SLC14A2: variants seen among roughly 807,000 people sequenced by gnomAD.
The protein encoded by SLC14A2 is urea transporter 2.
Under a neutral mutation model 104.6 loss-of-function variants are expected in SLC14A2, and 91 were observed. The ratio of observed to expected loss-of-function variants is 0.87; its 90% CI spans 0.73 to 1.04. SLC14A2 has a LOEUF of 1.04. SLC14A2 is among the 50% of genes least tolerant of loss of function. The pLI is 0.00. For synonymous variants in SLC14A2, 476 were observed against 466.4 expected, an observed-to-expected ratio of 1.02 and a Z score of -0.27; for missense variants, 1,189 against 1,156.0, an observed-to-expected ratio of 1.03 and a Z score of -0.41.
At chr18:45,385,839 AAAGT>A (rs1281566471) in intron 1 of SLC14A2, among the ~76,000 whole-genome samples, 1 of 152,190 alleles carries the variant, frequency 6.6e-6, no homozygotes, top group Non-Finnish European at 1.5e-5. Context: ...GTTATATAGA[AAAGT>A]AAGAGAAAGA....
intron 1 of SLC14A2, among the ~76,000 whole-genome samples, chr18:45,425,383 A>G (rs944895763): frequency 2.0e-5 from 3 of 152,254 alleles, no homozygotes; most frequent in Admixed American, 6.5e-5. Flanking sequence ...TAGGCAAAGC[A>G]TGTATGAATG....
At chr18:45,603,995 A>C (rs2044827696) in intron 2 of SLC14A2, among the ~76,000 whole-genome samples, 1 of 152,252 alleles carries the variant, frequency 6.6e-6, no homozygotes, top group Non-Finnish European at 1.5e-5. Context: ...TAAGTGGCTC[A>C]CTTTCGTTGG....
intron 1 of SLC14A2, among the ~76,000 whole-genome samples, chr18:45,331,427 C>A (rs1403193377): frequency 1.3e-5 from 2 of 152,042 alleles, no homozygotes; most frequent in African/African-American, 2.4e-5. Context: ...TGTGGTGGCT[C>A]ACGCCTGTAA....
At chr18:45,625,524 C>T (rs142408586) in intron 2 of SLC14A2, among the ~76,000 whole-genome samples, 159 bp from the exon 3 acceptor site, 70 of 152,230 alleles carry the variant, frequency 4.6e-4, no homozygotes, top group African/African-American at 1.6e-3. Context: ...CAGGCTTGTA[C>T]GGGGCACTCT....
intron 1 of SLC14A2, among the ~76,000 whole-genome samples, chr18:45,228,014 A>G (rs1400658399): frequency 6.6e-6 from 1 of 152,196 alleles, no homozygotes; most frequent in Admixed American, 6.5e-5. Flanking sequence ...TTAAATCGAT[A>G]ATAGATTAAT....
In SLC14A2 at chr18:45,648,195, C is replaced by CTTTTTTTTTTTTT. The variant is rs59843067; in HGVS notation, c.1351+4051_1351+4063dup. Among the ~76,000 whole-genome samples the CTTTTTTTTTTTTT allele has an allele frequency of 4.3e-4, 44 of 101,240 alleles. 6 individuals are homozygous for CTTTTTTTTTTTTT. The highest frequency in any genetic ancestry group is 1.6e-3 in the African/African-American group (42 of 25,944). The allele number at this position is 101,240 out of a possible 152,430, so 66.4% of individuals were successfully genotyped here. A position where few individuals can be genotyped will look rare whatever the true frequency, so the allele number is the denominator to read the frequency against. ...GTTACCCTCTTTATTCTAGTTAATG[C>CTTTTTTTTTTTTT]TTTTTTTTTTTTTTTTTTTTTTTTT... On this transcript the variant is annotated intron_variant, in intron 10 of 19. Coordinates refer to ENST00000255226, the MANE Select transcript of SLC14A2 (RefSeq NM_007163.4).
At chr18:45,526,403 T>C (rs2043594625) in intron 2 of SLC14A2, among the ~76,000 whole-genome samples, 1 of 152,192 alleles carries the variant, frequency 6.6e-6, no homozygotes, top group South Asian at 2.1e-4. Context: ...CATTAACCAA[T>C]AGGTTGGTGC....
chr18:45,234,179 A>G (rs1437912224), intron 1 of SLC14A2, among the ~76,000 whole-genome samples: 1 of 152,192 alleles, frequency 6.6e-6, no homozygotes. Flanking sequence ...GCTCACTGGA[A>G]TTGCAGATAC....
chr18:45,641,765 A>C (rs1291396906), intron 8 of SLC14A2, among the ~76,000 whole-genome samples: 1 of 152,208 alleles, frequency 6.6e-6, no homozygotes, highest in Non-Finnish European at 1.5e-5. Context: ...TGCACAAATA[A>C]TTACTAAGGC....
rs566132858 is a variant in SLC14A2, at chr18:45,426,269, G to A, written c.-124-56964G>A. The stretch of plus-strand genomic sequence containing the variant: ...TCAAACTTTCTGTTCCTTGCTGAGT[G>A]CCACTTATTGTCATTGTTAGCCTTG... On this transcript the variant is annotated intron_variant, in intron 1 of 20. Transcript: ENST00000586448. 2.0e-5 allele frequency among the ~76,000 whole-genome samples: 3 copies of A among 152,196 alleles called. No individual in the cohort carries two copies. In the East Asian group the frequency reaches 5.8e-4, roughly 29 times the overall value.
intron 1 of SLC14A2, among the ~76,000 whole-genome samples, chr18:45,409,733 T>G (rs1430630746): frequency 6.6e-6 from 1 of 152,158 alleles, no homozygotes; most frequent in Non-Finnish European, 1.5e-5. Flanking sequence ...GTGCTTTTGT[T>G]TTATTCTAAA....
In SLC14A2 at chr18:45,216,777, G is replaced by A. The variant is rs147227441; in HGVS notation, c.-125+3586G>A. ...CTCATTTTGTCTAGTCCGATGTTTCGGTCAACTTATTTCCCACCTTTGGCC... is the reference window on the plus strand; with the variant it reads ...CTCATTTTGTCTAGTCCGATGTTTCAGTCAACTTATTTCCCACCTTTGGCC... On this transcript the variant is annotated intron_variant, in intron 1 of 20. Coordinates refer to the SLC14A2 transcript ENST00000586448. 6.1e-3 allele frequency among the ~76,000 whole-genome samples: 922 copies of A among 152,222 alleles called. 7 individuals are homozygous for A. The highest frequency in any genetic ancestry group is 0.017 in the Middle Eastern group (5 of 294).
chr18:45,324,343 C>G (rs1209618517), intron 1 of SLC14A2, among the ~76,000 whole-genome samples: 2 of 152,136 alleles, frequency 1.3e-5, no homozygotes, highest in African/African-American at 4.8e-5. Context: ...TCTTTTTACT[C>G]TTTTTCTGCA....
chr18:45,262,290 A>G (rs2084547406), intron 1 of SLC14A2, among the ~76,000 whole-genome samples: 1 of 152,184 alleles, frequency 6.6e-6, no homozygotes, highest in African/African-American at 2.4e-5. Context: ...GGAAATTATG[A>G]CACAGCTGGT....
chr18:45,404,698 A>G (rs2086134339), intron 1 of SLC14A2, among the ~76,000 whole-genome samples: 1 of 152,178 alleles, frequency 6.6e-6, no homozygotes, highest in South Asian at 2.1e-4. Flanking sequence ...GGTATAATGG[A>G]AAGAAGCCTG....
chr18:45,186,584 G>A, the SLC14A2 span, among the ~76,000 whole-genome samples: 3 of 152,232 alleles, frequency 2.0e-5, no homozygotes, highest in Middle Eastern at 3.4e-3. Context: ...AAGAATAGCT[G>A]GACAAACAGA....
intron 1 of SLC14A2, among the ~76,000 whole-genome samples, chr18:45,293,453 C>T (rs966516284): frequency 6.6e-6 from 1 of 151,502 alleles, no homozygotes; most frequent in Non-Finnish European, 1.5e-5. Context: ...TTATAAGAAC[C>T]AGAGACAATG....
At chr18:45,208,026 C>T (rs531363778), upstream of SLC14A2, among the ~76,000 whole-genome samples, 1 of 152,246 alleles carries the variant, frequency 6.6e-6, no homozygotes, top group Non-Finnish European at 1.5e-5. Flanking sequence ...AACTGGGACC[C>T]AAAGCCAAAC....
chr18:45,230,256 C>A (rs568323197), intron 1 of SLC14A2, among the ~76,000 whole-genome samples: 2 of 152,140 alleles, frequency 1.3e-5, no homozygotes, highest in Non-Finnish European at 2.9e-5. Flanking sequence ...GGCTTAAACA[C>A]CCCAAATGTA....
Sources: allele counts gnomAD v4.1 joint callset (sites outside exome capture counted in the v4.1 genomes callset), GRCh38; gene constraint gnomAD v4.1.1; transcripts MANE v1.5; gene names NCBI Gene and HGNC (gene_info 2026-07-23, HGNC 2026-07-21).